ALPL: variants seen among roughly 807,000 people sequenced by gnomAD.
ALPL encodes the protein alkaline phosphatase, tissue-nonspecific isozyme.
A neutral mutation model predicts 51.3 loss-of-function variants in ALPL; 42 were observed. That is an observed-to-expected ratio of 0.82 (90% confidence interval 0.64 to 1.06). ALPL has a LOEUF of 1.06. Ranked by LOEUF, ALPL falls within the 50% of genes least tolerant of loss-of-function variation. The probability of loss-of-function intolerance (pLI) is 0.00; values close to 1 mark genes in which losing one functional copy is unlikely to be tolerated. For missense variants in ALPL, 589 were observed against 709.4 expected (o/e 0.83, Z 1.93); for synonymous variants, 279 against 296.4 (o/e 0.94, Z 0.60).
intron 1 of ALPL, among the ~76,000 whole-genome samples, chr1:21,516,445 G>A (rs1012326991): frequency 1.1e-4 from 17 of 152,072 alleles, no homozygotes; most frequent in African/African-American, 3.9e-4. Context: ...CAACATGCAC[G>A]TACTAGGCAT....
At chr1:21,537,738 G>T (rs1383439664) in intron 1 of ALPL, among the ~76,000 whole-genome samples, 1 of 152,212 alleles carries the variant, frequency 6.6e-6, no homozygotes, top group Non-Finnish European at 1.5e-5. Flanking sequence ...GAGCTGGACG[G>T]ACCTGGCCTG....
rs563374650 is a variant in ALPL, at chr1:21,550,455, A to G, written c.-104-3523A>G. The stretch of plus-strand genomic sequence containing the variant: ...CTGCATAGCTGATTAGTGAAACATC[A>G]TGGTGAAATTCTTTATGAACTATGG... On this transcript the variant is annotated intron_variant, in intron 1 of 11. Coordinates refer to ENST00000374840, the MANE Select transcript of ALPL (RefSeq NM_000478.6). 2.6e-5 allele frequency among the ~76,000 whole-genome samples: 4 copies of G among 152,302 alleles called. No individual in the cohort carries two copies. The South Asian group carries it at 8.3e-4, about 32-fold the overall frequency.
intron 9 of ALPL, among the ~76,000 whole-genome samples, chr1:21,575,100 A>ACAGGCACTGCC (rs554507571): frequency 6.6e-6 from 1 of 152,212 alleles, no homozygotes; most frequent in South Asian, 2.1e-4. Context: ...GGAACCTGCC[A>ACAGGCACTGCC]CAGGCACTGC....
chr1:21,551,659 C>T (rs1190047848), intron 1 of ALPL, among the ~76,000 whole-genome samples: 5 of 151,226 alleles, frequency 3.3e-5, no homozygotes, highest in Admixed American at 6.6e-5. Flanking sequence ...CACTCTGCGC[C>T]GCTACCCCCA....
chr1:21,520,615 C>T (rs1289074395), intron 1 of ALPL, among the ~76,000 whole-genome samples: 1 of 151,942 alleles, frequency 6.6e-6, no homozygotes, highest in Admixed American at 6.6e-5. Context: ...GGGTGTGCCA[C>T]CACGCCCGGC....
intron 1 of ALPL, among the ~76,000 whole-genome samples, chr1:21,539,936 T>G (rs935212951): frequency 6.6e-6 from 1 of 152,106 alleles, no homozygotes; most frequent in Admixed American, 6.5e-5. Flanking sequence ...GATTACAGGC[T>G]TGAGCCACCG....
chr1:21,509,327 A>G (rs1008158040), upstream of ALPL: 9 of 4,876 alleles, frequency 1.8e-3, no homozygotes, highest in South Asian at 6.2e-3. The surrounding 1 kb of genome is among the most constrained non-coding windows in gnomAD (Gnocchi z 6.0). Flanking sequence ...CGGGCTGGGG[A>G]GGGGTTGGGG....
chr1:21,516,010 C>T (rs892084613), intron 1 of ALPL, among the ~76,000 whole-genome samples: 1 of 152,192 alleles, frequency 6.6e-6, no homozygotes, highest in Non-Finnish European at 1.5e-5. Flanking sequence ...TCTCAAGTAG[C>T]TGGGACCACA....
At chr1:21,565,773 G>A (rs114507999) in intron 6 of ALPL, among the ~76,000 whole-genome samples, 1,707 of 150,018 alleles carry the variant, frequency 0.011, 16 homozygotes, top group Non-Finnish European at 0.017. Flanking sequence ...CCAGTCCCCA[G>A]ACTGTACATG....
At chr1:21,520,127 G>T (rs1643869107) in intron 1 of ALPL, among the ~76,000 whole-genome samples, 1 of 151,822 alleles carries the variant, frequency 6.6e-6, no homozygotes, top group Admixed American at 6.6e-5. Context: ...TTTTGTTGTT[G>T]TTGTTTGTTT....
intron 1 of ALPL, among the ~76,000 whole-genome samples, chr1:21,520,796 A>G (rs1643876242): frequency 6.6e-6 from 1 of 152,156 alleles, no homozygotes; most frequent in South Asian, 2.1e-4. Context: ...AAAGCAACCC[A>G]ATAAAGTATT....
chr1:21,548,655 C>A lies in ALPL; in HGVS notation c.-104-5323C>A, dbSNP rs574236642. Among the ~76,000 whole-genome samples, 7 of 152,306 alleles carry A rather than the reference C, an allele frequency of 4.6e-5. No individual in the cohort carries two copies. In the East Asian group the frequency reaches 1.4e-3, roughly 29 times the overall value. ...TATTCGCTCACCTGTTTTGGACCCT[C>A]AGTGCAGAGAGAGTGGGATACGTTA... On this transcript the variant is annotated intron_variant, in intron 1 of 11. Coordinates refer to ENST00000374840, the MANE Select transcript of ALPL (RefSeq NM_000478.6).
chr1:21,541,205 C>G (rs1435043282), intron 1 of ALPL, among the ~76,000 whole-genome samples: 4 of 152,232 alleles, frequency 2.6e-5, no homozygotes, highest in Non-Finnish European at 2.9e-5. Context: ...CGCAGTCCAT[C>G]CACCTCATTT....
At position 21,526,575 on chromosome 1, in the gene ALPL, T is replaced by G. The variant is rs558238896; in HGVS notation, c.-105+17058T>G. Among the ~76,000 whole-genome samples, 41 of 152,350 alleles carry G rather than the reference T, an allele frequency of 2.7e-4. No individual in the cohort carries two copies. The South Asian group carries it at 3.5e-3, about 13-fold the overall frequency. ...ATCCTTGAAATTTTTAGGGACTTTTTTTCATTTCTAAGTGTAGGGGTAATG... is the reference window on the plus strand; with the variant it reads ...ATCCTTGAAATTTTTAGGGACTTTTGTTCATTTCTAAGTGTAGGGGTAATG... On this transcript the variant is annotated intron_variant, in intron 1 of 11. Transcript: ENST00000374840.
rs557177212 is a variant in ALPL, at chr1:21,552,780, A to G, written c.-104-1198A>G. Reference sequence around the variant, plus strand: ...TTTTTACTTAACATATAATAATTGGACTAGAGTGGTGTCTTATCTGTCACA... The same window carrying G: ...TTTTTACTTAACATATAATAATTGGGCTAGAGTGGTGTCTTATCTGTCACA... On this transcript the variant is annotated intron_variant, in intron 1 of 11. Transcript: ENST00000374840. 1.5e-3 allele frequency among the ~76,000 whole-genome samples: 221 copies of G among 152,308 alleles called. 1 individual carries two copies. The highest frequency in any genetic ancestry group is 5.0e-3 in the African/African-American group (207 of 41,568).
chr1:21,560,239 T>C (rs1480471524), intron 2 of ALPL, among the ~76,000 whole-genome samples: 7 of 152,260 alleles, frequency 4.6e-5, no homozygotes, highest in African/African-American at 1.4e-4. Flanking sequence ...CATTACTCTC[T>C]TAATTGTGCT....
In ALPL at chr1:21,573,913, C is replaced by T. The variant is rs1570299550; in HGVS notation, c.997+114C>T. On this transcript the variant is annotated intron_variant, in intron 9 of 11. Coordinates refer to ENST00000374840, the MANE Select transcript of ALPL (RefSeq NM_000478.6). Reference sequence around the variant, plus strand: ...CTGGTTTGGGGGTGAAGGGAGAGGTCCCTTTAGGAGAATAGGTTGTGGAAG... The same window carrying T: ...CTGGTTTGGGGGTGAAGGGAGAGGTTCCTTTAGGAGAATAGGTTGTGGAAG... 7.1e-6 allele frequency: 11 copies of T among 1,546,832 alleles called. No individual in the cohort carries two copies. In the East Asian group the frequency reaches 1.4e-4, roughly 20 times the overall value.
upstream of ALPL, among the ~76,000 whole-genome samples, chr1:21,509,166 C>A (rs1040530789): frequency 6.6e-6 from 1 of 152,072 alleles, no homozygotes; most frequent in African/African-American, 2.4e-5. This position sits in a 1 kb window ranked among gnomAD's most constrained non-coding sequence, Gnocchi z 6.0. Flanking sequence ...AGCCCGGAGG[C>A]AGAGAGACCG....
intron 8 of ALPL, among the ~76,000 whole-genome samples, 159 bp downstream of exon 8, chr1:21,570,533 G>T (rs756056396): frequency 6.6e-6 from 1 of 152,190 alleles, no homozygotes; most frequent in Non-Finnish European, 1.5e-5. Flanking sequence ...GGGGGTTCTG[G>T]TTCCTGGAAT....
Sources: allele counts gnomAD v4.1 joint callset (sites outside exome capture counted in the v4.1 genomes callset), GRCh38; gene constraint gnomAD v4.1.1; non-coding constraint Gnocchi (gnomAD v3.1); transcripts MANE v1.5; gene names NCBI Gene and HGNC (gene_info 2026-07-23, HGNC 2026-07-21).